Variants in GHRL observed in about 807,000 individuals in gnomAD.
GHRL encodes ghrelin and obestatin prepropeptide.
In GHRL, 24 loss-of-function variants were observed where a neutral mutation model predicts 16.9. That is an observed-to-expected ratio of 1.42 (90% CI 1.03 to 2.00). GHRL has a LOEUF of 2.00. GHRL is among the 30% of genes most tolerant of loss of function. The pLI is 0.00. For synonymous variants in GHRL, 63 were observed against 58.2 expected (o/e 1.08, Z -0.37); for missense variants, 193 against 142.1 (o/e 1.36, Z -1.82).
intron 5 of GHRL, 117 bp downstream of exon 5, chr3:10,286,587 G>A: frequency 1.6e-6 from 1 of 618,650 alleles, no homozygotes; most frequent in Non-Finnish European, 3.0e-6. Context: ...CTTTGGGAAA[G>A]GGAAATTAGA....
At chr3:10,289,616 A>C in intron 4 of GHRL, 146 bp downstream of exon 4, 11 of 708,958 alleles carry the variant, frequency 1.6e-5, no homozygotes, top group East Asian at 5.0e-5. Context: ...AGCCCAGGGC[A>C]GAGCTCAACT....
Position 10,290,057 on chromosome 3 carries a change from T to C in GHRL, c.108+16A>G. Reference sequence around the variant, plus strand: ...AGGGCTGGAACAACATGTGGGGCTTTGTGGGGAGGTCTCACCTGGACTCTC... The same window carrying C: ...AGGGCTGGAACAACATGTGGGGCTTCGTGGGGAGGTCTCACCTGGACTCTC... On this transcript the variant is annotated intron_variant, in intron 3 of 5. Coordinates refer to ENST00000335542, the MANE Select transcript of GHRL (RefSeq NM_016362.5). 5 of 1,610,446 alleles carry C rather than the reference T, an allele frequency of 3.1e-6. No individual in the cohort carries two copies. The highest frequency in any genetic ancestry group is 2.7e-5 in the African/African-American group (2 of 74,982).
At chr3:10,287,019 GACACTT>G (rs1699187322) in intron 4 of GHRL, 2 of 507,968 alleles carry the variant, frequency 3.9e-6, no homozygotes, top group Non-Finnish European at 7.1e-6. Flanking sequence ...CCATCTTTCA[GACACTT>G]ACCTTGCACT....
In GHRL at chr3:10,291,632, A is replaced by G. The variant is rs370470221; in HGVS notation, c.-765-181T>C. ...ATGACAATGGTTTCATACCAGGCCC[A>G]TAGGACTTCCCAGCATAGGCCAAGG... On this transcript the variant is annotated intron_variant, in intron 1 of 5. Coordinates refer to ENST00000335542, the MANE Select transcript of GHRL (RefSeq NM_016362.5). Among the ~76,000 whole-genome samples the G allele has an allele frequency of 7.2e-5, 11 of 152,314 alleles. No homozygotes were observed. In the East Asian group the frequency reaches 2.1e-3, roughly 29 times the overall value.
intron 5 of GHRL, 44 bp from the exon 6 acceptor site, chr3:10,285,938 T>G: frequency 6.3e-7 from 1 of 1,580,596 alleles, no homozygotes; most frequent in East Asian, 2.2e-5. Flanking sequence ...TGCACCGTCC[T>G]GCTAGTGCTT....
rs1026380148 is a variant in GHRL at position 10,291,088 on chromosome 3, T to A, written c.-402A>T. 4 of 985,584 alleles carry A rather than the reference T, an allele frequency of 4.1e-6. No homozygotes were observed. Among genetic ancestry groups the A allele is most frequent in the Non-Finnish European group, 4.8e-6 (4 of 830,058 alleles). The allele number at this position is 985,584 out of a possible 1,614,324, so 61.1% of individuals were successfully genotyped here. ...ACTCGCCCTTTCTCCCTGGGTAAAA[T>A]GAGGCTGTCATCACTAGGAGAGCTC... On this transcript the variant is annotated 5_prime_UTR_variant, in exon 2 of 6. Transcript: ENST00000335542.
chr3:10,285,815 A>G lies in GHRL; in HGVS notation c.*60T>C, dbSNP rs2125190929. On this transcript the variant is annotated 3_prime_UTR_variant, in exon 6 of 6. Coordinates refer to ENST00000335542, the MANE Select transcript of GHRL (RefSeq NM_016362.5). Reference sequence around the variant, plus strand: ...AGTCGTGGGAGTTGCTGCAGAAGCAAGCGAAAAGCCAGATGAGCGCTTCTA... The same window carrying G: ...AGTCGTGGGAGTTGCTGCAGAAGCAGGCGAAAAGCCAGATGAGCGCTTCTA... The G allele has an allele frequency of 6.9e-7, 1 of 1,451,690 alleles. No individual in the cohort carries two copies. The highest frequency in any genetic ancestry group is 9.7e-7 in the Non-Finnish European group (1 of 1,032,318). The allele number at this position is 1,451,690 out of a possible 1,614,324, so 89.9% of individuals were successfully genotyped here.
chr3:10,288,592 C>A (rs2125204768), intron 4 of GHRL, among the ~76,000 whole-genome samples: 1 of 152,358 alleles, frequency 6.6e-6, no homozygotes, highest in African/African-American at 2.4e-5. Flanking sequence ...GTATGCAGCT[C>A]TTTCAGATGA....
intron 4 of GHRL, among the ~76,000 whole-genome samples, chr3:10,288,867 C>G (rs888005744): frequency 2.0e-5 from 3 of 152,212 alleles, no homozygotes; most frequent in Non-Finnish European, 4.4e-5. Context: ...CAGCCCTGAC[C>G]TTGTGTCGCG....
chr3:10,290,469 G>T (rs1243946815), intron 2 of GHRL: 2 of 392,268 alleles, frequency 5.1e-6, no homozygotes, highest in Middle Eastern at 7.5e-4. Flanking sequence ...TTTGTCCCAG[G>T]CTCTGAGAGC....
At chr3:10,287,297 C>T (rs577295984) in intron 4 of GHRL, 1 of 154,812 alleles carries the variant, frequency 6.5e-6, no homozygotes, top group African/African-American at 2.4e-5. Context: ...GGTATTTTTT[C>T]TCTCATATGC....
At chr3:10,291,601 C>T in intron 1 of GHRL, 150 bp from the exon 2 acceptor site, 1 of 328,698 alleles carries the variant, frequency 3.0e-6, no homozygotes, top group Non-Finnish European at 4.4e-6. Context: ...GTGAAACACC[C>T]TGCAGATGAC....
chr3:10,290,553 G>A (rs946787114), intron 2 of GHRL, among the ~76,000 whole-genome samples, 163 bp downstream of exon 2: 1 of 152,172 alleles, frequency 6.6e-6, no homozygotes, highest in Non-Finnish European at 1.5e-5. Context: ...CAGGGAGGGG[G>A]TTAGAGGTAG....
intron 5 of GHRL, 61 bp from the exon 6 acceptor site, chr3:10,285,955 C>A: frequency 6.7e-7 from 1 of 1,485,764 alleles, no homozygotes; most frequent in Non-Finnish European, 9.4e-7. Context: ...GCTTTTCTTC[C>A]ACGGTGGTGA....
Position 10,292,736 on chromosome 3 carries a change from T to G in GHRL, c.-766+106A>C, listed in dbSNP as rs563874619. 1.1e-4 allele frequency: 74 copies of G among 703,234 alleles called. No homozygotes were observed. The African/African-American group carries it at 1.2e-3, about 12-fold the overall frequency. 43.6% of individuals were successfully genotyped at this position (703,234 alleles called of 1,614,324 possible). A position where few individuals can be genotyped will look rare whatever the true frequency, so the allele number is the denominator to read the frequency against. On this transcript the variant is annotated intron_variant, in intron 1 of 5. Coordinates refer to ENST00000335542, the MANE Select transcript of GHRL (RefSeq NM_016362.5). Reference sequence around the variant, plus strand: ...GAGGTCTGTAGTCCTCAGAGAAGACTTGCAGCTTTTTCAGAGCCACCAACC... The same window carrying G: ...GAGGTCTGTAGTCCTCAGAGAAGACGTGCAGCTTTTTCAGAGCCACCAACC...
intron 1 of GHRL, 66 bp from the exon 2 acceptor site, chr3:10,291,517 A>C: frequency 1.1e-6 from 1 of 944,794 alleles, no homozygotes; most frequent in African/African-American, 1.8e-5. Context: ...CCTTACGCCG[A>C]CCACAAATAA....
chr3:10,287,824 A>G (rs1345673542), intron 4 of GHRL: 2 of 152,760 alleles, frequency 1.3e-5, no homozygotes, highest in Non-Finnish European at 2.9e-5. Flanking sequence ...CAGAGAAGCT[A>G]TTAACCAATA....
At position 10,292,831 on chromosome 3, in the gene GHRL, C is replaced by G; in HGVS notation, c.-766+11G>C. On this transcript the variant is annotated intron_variant, in intron 1 of 5. Transcript: ENST00000335542. ...ACCAGGTACCTCCTGAGACATGAAG[C>G]CTCCACTTACCTGGACCCTGGAGGC... 1 of 1,490,670 alleles carries G rather than the reference C, an allele frequency of 6.7e-7. No individual in the cohort carries two copies. The highest frequency in any genetic ancestry group is 9.1e-7 in the Non-Finnish European group (1 of 1,098,666). 92.3% of individuals were successfully genotyped at this position (1,490,670 alleles called of 1,614,324 possible). A position where few individuals can be genotyped will look rare whatever the true frequency, so the allele number is the denominator to read the frequency against.
chr3:10,289,931 A>G, intron 3 of GHRL, 53 bp from the exon 4 acceptor site: 2 of 1,510,544 alleles, frequency 1.3e-6, no homozygotes, highest in South Asian at 2.3e-5. Flanking sequence ...GTCCTTCCAG[A>G]AACAGTGAGG....
Sources: gnomAD v4.1 joint callset for allele counts (sites outside exome capture counted in the v4.1 genomes callset) on GRCh38, gnomAD v4.1.1 for gene constraint, MANE v1.5 for transcripts, NCBI Gene and HGNC (gene_info 2026-07-23, HGNC 2026-07-21) for gene names.